TNS3: variants seen among roughly 807,000 people sequenced by gnomAD.
TNS3 encodes the protein tensin-3.
In TNS3, 45 loss-of-function variants were observed where a neutral mutation model predicts 140.9. That is an observed-to-expected ratio of 0.32 (90% CI 0.25 to 0.41). TNS3 has a LOEUF of 0.41. Ranked by LOEUF, TNS3 falls within the 10% of genes least tolerant of loss-of-function variation. The pLI is 1.00. For missense variants in TNS3, 1,716 were observed against 1,906.7 expected (o/e 0.90, Z 1.86); for synonymous variants, 815 against 788.4 (o/e 1.03, Z -0.56).
At chr7:47,501,181 GA>G in intron 3 of TNS3, among the ~76,000 whole-genome samples, 1 of 63,772 alleles carries the variant, frequency 1.6e-5, no homozygotes, top group East Asian at 5.9e-4. Context: ...AGAGAGGAAG[GA>G]AGGAAGGGAG....
At chr7:47,427,225 G>C (rs934078816) in intron 9 of TNS3, among the ~76,000 whole-genome samples, 1 of 151,646 alleles carries the variant, frequency 6.6e-6, no homozygotes, top group African/African-American at 2.4e-5. Flanking sequence ...GCATCATTGA[G>C]GGATGGATGT....
intron 20 of TNS3, among the ~76,000 whole-genome samples, chr7:47,317,750 C>T (rs1308206099): frequency 6.6e-6 from 1 of 152,196 alleles, no homozygotes; most frequent in African/African-American, 2.4e-5. Context: ...CTAGAGACCA[C>T]ATCAAGCCTG....
At chr7:47,572,787 T>A (rs1800588242) in intron 1 of TNS3, among the ~76,000 whole-genome samples, 1 of 151,666 alleles carries the variant, frequency 6.6e-6, no homozygotes, top group African/African-American at 2.4e-5. Flanking sequence ...GCAGAAGAAT[T>A]ATTTGAACCC....
In TNS3 at chr7:47,527,036, T is replaced by C. The variant is rs570959029; in HGVS notation, c.-153+2000A>G. Among the ~76,000 whole-genome samples, 13 of 150,918 alleles carry C rather than the reference T, an allele frequency of 8.6e-5. 1 individual carries two copies. The South Asian group carries it at 2.8e-3, about 32-fold the overall frequency. ...TCACAAGTTCAGGAGATGGAGACCATCCTGGCTAACATGGTGAAACCCCAT... is the reference window on the plus strand; with the variant it reads ...TCACAAGTTCAGGAGATGGAGACCACCCTGGCTAACATGGTGAAACCCCAT... On this transcript the variant is annotated intron_variant, in intron 2 of 30. Transcript: ENST00000311160.
At chr7:47,529,292 A>G (rs1584818070) in intron 1 of TNS3, 145 bp from the exon 2 acceptor site, 1 of 420,016 alleles carries the variant, frequency 2.4e-6, no homozygotes, top group South Asian at 2.2e-5. Context: ...ACAAGAAACC[A>G]TCTTGGTGAT....
intron 1 of TNS3, among the ~76,000 whole-genome samples, chr7:47,575,723 TGAGGCAGGAGAATGGCGTGAACCCGG>T (rs1191873452): frequency 6.8e-6 from 1 of 147,214 alleles, no homozygotes; most frequent in Non-Finnish European, 1.5e-5. Flanking sequence ...CTTGGGAGGC[TGAGGCAGGAGAATGGCGTGAACCCGG>T]GAGGCAGATC....
intron 13 of TNS3, among the ~76,000 whole-genome samples, chr7:47,410,222 T>C (rs1024069933): frequency 2.0e-5 from 3 of 152,156 alleles, no homozygotes; most frequent in Admixed American, 6.5e-5. Flanking sequence ...ACAGGGATGC[T>C]GCACCATCGC....
At chr7:47,408,509 G>A (rs926347352) in intron 13 of TNS3, among the ~76,000 whole-genome samples, 19 of 152,100 alleles carry the variant, frequency 1.2e-4, no homozygotes, top group Non-Finnish European at 2.1e-4. Flanking sequence ...GGCAGTGGCT[G>A]CCCCAAAGAC....
chr7:47,567,526 T>C (rs1800455391), intron 1 of TNS3, among the ~76,000 whole-genome samples: 1 of 151,860 alleles, frequency 6.6e-6, no homozygotes, highest in Non-Finnish European at 1.5e-5. Flanking sequence ...CTACTAAAAA[T>C]ACAAAAAATT....
intron 2 of TNS3, among the ~76,000 whole-genome samples, chr7:47,510,892 A>T (rs1446418102): frequency 6.7e-6 from 1 of 149,762 alleles, no homozygotes; most frequent in Non-Finnish European, 1.5e-5. Context: ...ACTTGTACCC[A>T]TCACCAGGGC....
chr7:47,522,443 C>T (rs1799017101), intron 2 of TNS3, among the ~76,000 whole-genome samples: 1 of 152,192 alleles, frequency 6.6e-6, no homozygotes, highest in South Asian at 2.1e-4. Flanking sequence ...TCAGCCGCCT[C>T]AGCCTACACC....
chr7:47,537,069 C>T (rs949105362), intron 1 of TNS3, among the ~76,000 whole-genome samples: 1 of 151,848 alleles, frequency 6.6e-6, no homozygotes, highest in African/African-American at 2.4e-5. Context: ...CGCGCGCGAA[C>T]CCTCCCGGTG....
chr7:47,421,392 A>G (rs1263717496), intron 10 of TNS3, among the ~76,000 whole-genome samples: 2 of 151,772 alleles, frequency 1.3e-5, no homozygotes, highest in African/African-American at 2.4e-5. Flanking sequence ...CTCAGCTTCC[A>G]GAGTAGCTGG....
rs776537774 is a variant in TNS3, at chr7:47,437,320, AAG to A, written c.151-9_151-8del. ...TTTCTGAAAGGTTTAATACCTATAA[AAG>A]AGAGGAAAAATTGCCTTGCATAAAA... On this transcript the variant is annotated splice_region_variant and splice_polypyrimidine_tract_variant and intron_variant, in intron 6 of 30. Coordinates refer to ENST00000311160, the MANE Select transcript of TNS3 (RefSeq NM_022748.12). The A allele has an allele frequency of 1.2e-5, 16 of 1,366,622 alleles. No individual in the cohort carries two copies. The highest frequency in any genetic ancestry group is 1.5e-5 in the African/African-American group (1 of 66,908). 84.7% of individuals were successfully genotyped at this position (1,366,622 alleles called of 1,614,324 possible).
At chr7:47,520,712 T>C (rs969858107) in intron 2 of TNS3, among the ~76,000 whole-genome samples, 1 of 152,204 alleles carries the variant, frequency 6.6e-6, no homozygotes, top group Admixed American at 6.5e-5. Context: ...CCAGAAATTA[T>C]TCAGATGAAA....
intron 28 of TNS3, among the ~76,000 whole-genome samples, chr7:47,282,787 G>A (rs1785215896): frequency 2.0e-5 from 3 of 152,200 alleles, no homozygotes; most frequent in African/African-American, 4.8e-5. Flanking sequence ...CAGATGAAGG[G>A]TGATGAGCTA....
chr7:47,356,709 T>C (rs1790011750), intron 17 of TNS3, among the ~76,000 whole-genome samples: 1 of 152,328 alleles, frequency 6.6e-6, no homozygotes, highest in East Asian at 1.9e-4. Context: ...TCTCCCTATG[T>C]ATAGATATAA....
intron 6 of TNS3, among the ~76,000 whole-genome samples, chr7:47,438,458 C>T (rs1239520722): frequency 6.6e-6 from 1 of 152,188 alleles, no homozygotes; most frequent in Non-Finnish European, 1.5e-5. Context: ...CTGCAGAGCA[C>T]ACCGCCTCAG....
chr7:47,346,652 G>A (rs1342105633), intron 17 of TNS3, among the ~76,000 whole-genome samples: 3 of 152,172 alleles, frequency 2.0e-5, no homozygotes, highest in Admixed American at 2.0e-4. Context: ...CTCACTCTCA[G>A]TGCTGGGAAA....
Sources: gnomAD v4.1 joint callset for allele counts (sites outside exome capture counted in the v4.1 genomes callset) on GRCh38, gnomAD v4.1.1 for gene constraint, MANE v1.5 for transcripts, NCBI Gene and HGNC (gene_info 2026-07-23, HGNC 2026-07-21) for gene names.